The following CDH12 variants were observed in gnomAD, a reference collection of about 807,000 sequenced individuals.
CDH12 encodes cadherin 12.
Under a neutral mutation model 74.1 loss-of-function variants are expected in CDH12, and 41 were observed. The observed-to-expected ratio is 0.55, with a 90% CI of 0.43 to 0.72. The LOEUF is 0.72. Among genes scored for constraint, CDH12 ranks in the 30% least tolerant of loss-of-function variants. CDH12 has a pLI of 0.00. For missense variants in CDH12, 945 were observed against 977.2 expected, an observed-to-expected ratio of 0.97 and a Z score of 0.44; for synonymous variants, 399 against 355.0, an observed-to-expected ratio of 1.12 and a Z score of -1.39.
chr5:22,282,406 A>T (rs1161643487), intron 3 of CDH12, among the ~76,000 whole-genome samples: 1 of 152,198 alleles, frequency 6.6e-6, no homozygotes, highest in African/African-American at 2.4e-5. Flanking sequence ...GATCCAATTA[A>T]ACTAAAGAGC....
At chr5:22,664,986 T>C (rs1164532168) in intron 1 of CDH12, among the ~76,000 whole-genome samples, 1 of 152,190 alleles carries the variant, frequency 6.6e-6, no homozygotes, top group African/African-American at 2.4e-5. Flanking sequence ...CTCACTATAT[T>C]GCCCAGGAGT....
At chr5:22,752,001 G>A (rs990342450) in intron 1 of CDH12, among the ~76,000 whole-genome samples, 61 of 152,224 alleles carry the variant, frequency 4.0e-4, no homozygotes, top group Admixed American at 1.4e-3. Flanking sequence ...AACAAAGTGA[G>A]CTCACAGATG....
chr5:22,322,924 A>T (rs180817481), intron 3 of CDH12, among the ~76,000 whole-genome samples: 167 of 152,274 alleles, frequency 1.1e-3, no homozygotes, highest in Middle Eastern at 6.8e-3. Context: ...AACTGAATTA[A>T]AATATGATTT....
intron 1 of CDH12, among the ~76,000 whole-genome samples, chr5:22,850,907 A>G (rs1737523219): frequency 6.6e-6 from 1 of 152,124 alleles, no homozygotes; most frequent in Admixed American, 6.6e-5. Context: ...TTTAAGAGGC[A>G]AGAGTGACAT....
At chr5:21,841,342 A>C (rs1331525498) in intron 8 of CDH12, among the ~76,000 whole-genome samples, 4 of 152,068 alleles carry the variant, frequency 2.6e-5, no homozygotes, top group African/African-American at 4.8e-5. Context: ...GGCAATCATT[A>C]AAAAGTCAGG....
intron 1 of CDH12, among the ~76,000 whole-genome samples, chr5:22,773,881 T>C (rs986859418): frequency 3.3e-5 from 5 of 152,082 alleles, no homozygotes; most frequent in African/African-American, 1.2e-4. Context: ...AACAAATATA[T>C]GAAAAAATAA....
intron 4 of CDH12, among the ~76,000 whole-genome samples, chr5:22,176,018 T>A (rs1490830318): frequency 6.6e-6 from 1 of 152,220 alleles, no homozygotes; most frequent in Non-Finnish European, 1.5e-5. Context: ...CTTTCTGTGC[T>A]GAATCCAGTC....
chr5:22,315,183 C>A (rs200249245), intron 3 of CDH12, among the ~76,000 whole-genome samples: 1 of 133,478 alleles, frequency 7.5e-6, no homozygotes, highest in South Asian at 2.4e-4. Context: ...GGGATGGTCT[C>A]GATCTCCTGA....
chr5:22,051,177 T>G (rs1334176235), intron 5 of CDH12, among the ~76,000 whole-genome samples: 2 of 152,096 alleles, frequency 1.3e-5, no homozygotes, highest in Non-Finnish European at 2.9e-5. Flanking sequence ...CTTCTGCAGA[T>G]GGACCCACCG....
chr5:21,841,247 A>T (rs1170131986), intron 8 of CDH12, among the ~76,000 whole-genome samples: 2 of 151,136 alleles, frequency 1.3e-5, no homozygotes, highest in Admixed American at 1.3e-4. Context: ...GCCAAAAAAC[A>T]CATGAAAAAA....
intron 3 of CDH12, among the ~76,000 whole-genome samples, chr5:22,344,405 A>G (rs1261068821): frequency 6.6e-6 from 1 of 152,238 alleles, no homozygotes; most frequent in African/African-American, 2.4e-5. Context: ...GATTAATAAT[A>G]AAATAATAAC....
intron 4 of CDH12, among the ~76,000 whole-genome samples, chr5:22,148,927 T>C (rs1028389427): frequency 5.9e-5 from 9 of 152,152 alleles, no homozygotes; most frequent in African/African-American, 9.7e-5. Flanking sequence ...AAGACCAAAC[T>C]GGCCAACATG....
At chr5:22,512,302 T>C (rs965124250) in intron 1 of CDH12, among the ~76,000 whole-genome samples, 10 of 152,210 alleles carry the variant, frequency 6.6e-5, no homozygotes, top group Admixed American at 1.3e-4. Context: ...ACACTTGCTT[T>C]GTGTTCTTCT....
At chr5:22,577,984 C>T (rs552348275) in intron 1 of CDH12, among the ~76,000 whole-genome samples, 2 of 152,202 alleles carry the variant, frequency 1.3e-5, no homozygotes, top group South Asian at 4.2e-4. Flanking sequence ...TCACCAGAGA[C>T]ATAATTCTAA....
chr5:22,033,138 T>G (rs549540361), intron 5 of CDH12, among the ~76,000 whole-genome samples: 1 of 151,996 alleles, frequency 6.6e-6, no homozygotes, highest in African/African-American at 2.4e-5. Flanking sequence ...AATGTGGAAA[T>G]TTTAGCAATG....
chr5:22,056,057 AT>A (rs1441483470), intron 5 of CDH12, among the ~76,000 whole-genome samples: 3 of 152,076 alleles, frequency 2.0e-5, no homozygotes, highest in Non-Finnish European at 4.4e-5. Context: ...TATTTGCAAA[AT>A]TTTTTAGTAC....
At chr5:22,454,359 C>T (rs1342959112) in intron 2 of CDH12, among the ~76,000 whole-genome samples, 2 of 152,186 alleles carry the variant, frequency 1.3e-5, no homozygotes, top group African/African-American at 4.8e-5. Flanking sequence ...TCTTGCAATA[C>T]TTATGAGATC....
chr5:22,210,525 T>C (rs1052725824), intron 4 of CDH12, among the ~76,000 whole-genome samples: 1 of 151,474 alleles, frequency 6.6e-6, no homozygotes, highest in Non-Finnish European at 1.5e-5. Flanking sequence ...GGGGTACGTA[T>C]GGTTGTTTGT....
At chr5:22,370,652 C>T (rs549100791) in intron 3 of CDH12, among the ~76,000 whole-genome samples, 18 of 152,064 alleles carry the variant, frequency 1.2e-4, no homozygotes, top group African/African-American at 3.9e-4. Context: ...TATTATATGC[C>T]TAGACATGTG....
Sources: allele counts gnomAD v4.1 joint callset (sites outside exome capture counted in the v4.1 genomes callset), GRCh38; gene constraint gnomAD v4.1.1; transcripts MANE v1.5; gene names NCBI Gene and HGNC (gene_info 2026-07-23, HGNC 2026-07-21).